The following SLCO3A1 variants were observed in gnomAD, a reference collection of about 807,000 sequenced individuals.
The protein encoded by SLCO3A1 is solute carrier organic anion transporter family member 3A1.
Under a neutral mutation model 63.1 loss-of-function variants are expected in SLCO3A1, and 27 were observed. The observed-to-expected ratio is 0.43, with a 90% confidence interval of 0.32 to 0.59. SLCO3A1 has a LOEUF of 0.59. SLCO3A1 is among the 20% of genes least tolerant of loss of function. SLCO3A1 has a pLI of 0.09. For synonymous variants in SLCO3A1, 473 were observed against 409.9 expected, an observed-to-expected ratio of 1.15 and a Z score of -1.86; for missense variants, 773 against 945.8, an observed-to-expected ratio of 0.82 and a Z score of 2.40.
At chr15:91,987,036 ATCTTTGGGGCTTCACAGCCCCAAAGAT>A (rs936951832) in intron 2 of SLCO3A1, among the ~76,000 whole-genome samples, 1 of 152,146 alleles carries the variant, frequency 6.6e-6, no homozygotes, top group African/African-American at 2.4e-5. Context: ...TTTCTTACTC[ATCTTTGGGGCTTCACAGCCCCAAAGAT>A]TCTTTGCAAC....
In SLCO3A1 at chr15:91,869,643, G is replaced by A. The variant is rs535728032; in HGVS notation, c.180+15555G>A. Among the ~76,000 whole-genome samples, 180 of 152,174 alleles carry A rather than the reference G, an allele frequency of 1.2e-3. 1 individual carries two copies. Among genetic ancestry groups the A allele is most frequent in the Non-Finnish European group, 2.1e-3 (140 of 67,998 alleles). On this transcript the variant is annotated intron_variant, in intron 1 of 9. Transcript: ENST00000318445. ...GAGACCAGGAGATTGAGGCTGCAGTGAGCCGTAATAGTGCCACTGCACTCC... is the reference window on the plus strand; with the variant it reads ...GAGACCAGGAGATTGAGGCTGCAGTAAGCCGTAATAGTGCCACTGCACTCC...
In SLCO3A1 at chr15:91,854,043, C is replaced by T. The variant is rs766861339; in HGVS notation, c.135C>T (p.Ser45=). 3.2e-6 allele frequency: 5 copies of T among 1,542,786 alleles called. No individual in the cohort carries two copies. The highest frequency in any genetic ancestry group is 3.4e-4 in the Middle Eastern group (2 of 5,824). The change falls in exon 1 of 10, where the codon TCC becomes TCT. Residue 45 remains serine (S), a synonymous_variant. Coordinates refer to ENST00000318445, the MANE Select transcript of SLCO3A1 (RefSeq NM_013272.4). The surrounding 1 kb of genome is among the most constrained non-coding windows in gnomAD (Gnocchi z 6.4). ...CCAACATCAAGATCTTCCTGGTGTCCGAGTGCGCCCTGATGCTGGCGCAGG... is the reference window on the plus strand; with the variant it reads ...CCAACATCAAGATCTTCCTGGTGTCTGAGTGCGCCCTGATGCTGGCGCAGG... ...CFSNIKIFLV[S]ECALMLAQGT...
At chr15:91,966,356 G>A (rs762003308) in intron 2 of SLCO3A1, among the ~76,000 whole-genome samples, 2 of 152,216 alleles carry the variant, frequency 1.3e-5, no homozygotes, top group Non-Finnish European at 2.9e-5. Flanking sequence ...GTGGAGGGAC[G>A]GACAGCTCAG....
chr15:91,908,770 A>C (rs1898390189), intron 1 of SLCO3A1: 1 of 145,152 alleles, frequency 6.9e-6, no homozygotes, highest in Non-Finnish European at 1.5e-5. Flanking sequence ...AAAAAAAAAA[A>C]AAAAACTTGG....
intron 2 of SLCO3A1, among the ~76,000 whole-genome samples, chr15:92,060,702 G>A (rs982334388): frequency 3.3e-5 from 5 of 152,076 alleles, no homozygotes; most frequent in Non-Finnish European, 7.4e-5. Flanking sequence ...GTTTCACCAT[G>A]TTGTCCGGGC....
chr15:92,154,960 G>C (rs891372096), intron 9 of SLCO3A1, among the ~76,000 whole-genome samples: 7 of 152,210 alleles, frequency 4.6e-5, no homozygotes, highest in African/African-American at 1.7e-4. Context: ...AAGTGGAGCA[G>C]TTCTGACCAA....
Position 92,033,363 on chromosome 15 carries a change from G to A in SLCO3A1, c.647-61518G>A, listed in dbSNP as rs1373025097. ...CAACCCTCCTCTCCTCCAAGAGCAG[G>A]GTAACTTCCTCCTCTTGCATTCTCC... On this transcript the variant is annotated intron_variant, in intron 2 of 9. Coordinates refer to ENST00000318445, the MANE Select transcript of SLCO3A1 (RefSeq NM_013272.4). This position sits in a 1 kb window ranked among gnomAD's most constrained non-coding sequence, Gnocchi z 4.5. Among the ~76,000 whole-genome samples, 1 of 152,140 alleles carries A rather than the reference G, an allele frequency of 6.6e-6. No homozygotes were observed. The highest frequency in any genetic ancestry group is 6.5e-5 in the Admixed American group (1 of 15,270).
chr15:91,870,798 G>T (rs563839449), intron 1 of SLCO3A1, among the ~76,000 whole-genome samples: 1 of 151,934 alleles, frequency 6.6e-6, no homozygotes, highest in Non-Finnish European at 1.5e-5. Context: ...CTTTAGTCCT[G>T]TGTAGATTCT....
intron 2 of SLCO3A1, among the ~76,000 whole-genome samples, chr15:91,983,351 G>A (rs1048978739): frequency 5.3e-5 from 8 of 152,220 alleles, no homozygotes; most frequent in African/African-American, 1.7e-4. Flanking sequence ...CCGAGTGGGA[G>A]GCTATTTATT....
At chr15:91,909,685 TC>T (rs1462214925) in intron 1 of SLCO3A1, among the ~76,000 whole-genome samples, 5 of 152,194 alleles carry the variant, frequency 3.3e-5, no homozygotes, top group Non-Finnish European at 7.4e-5. Flanking sequence ...CACACTGCAC[TC>T]CCGGGCTCCT....
intron 7 of SLCO3A1, among the ~76,000 whole-genome samples, chr15:92,129,635 G>A (rs1051271677): frequency 2.6e-5 from 4 of 152,190 alleles, no homozygotes; most frequent in African/African-American, 9.7e-5. Flanking sequence ...GAATGTCTGT[G>A]CAAGGCATAG....
At chr15:92,101,054 C>A (rs1477511630) in intron 3 of SLCO3A1, among the ~76,000 whole-genome samples, 1 of 152,158 alleles carries the variant, frequency 6.6e-6, no homozygotes, top group Non-Finnish European at 1.5e-5. Context: ...GGATCCAATG[C>A]AGACACTGAT....
intron 2 of SLCO3A1, among the ~76,000 whole-genome samples, chr15:92,053,446 A>T (rs1175074286): frequency 6.6e-6 from 1 of 152,170 alleles, no homozygotes; most frequent in Non-Finnish European, 1.5e-5. Flanking sequence ...CATTGCGATC[A>T]TCTGAGGTCC....
intron 2 of SLCO3A1, among the ~76,000 whole-genome samples, chr15:91,969,572 G>T (rs569012059): frequency 6.6e-6 from 1 of 152,284 alleles, no homozygotes; most frequent in East Asian, 1.9e-4. Context: ...CTCCCAAAGT[G>T]CTGGGATTAC....
At chr15:92,098,200 G>T (rs207968) in intron 3 of SLCO3A1, 41,141 of 152,402 alleles carry the variant, frequency 0.27, 6,006 homozygotes, top group South Asian at 0.34. Context: ...GGAGAATCCA[G>T]TGAGGAAGCC....
chr15:91,915,653 G>A (rs1454501760), intron 1 of SLCO3A1, among the ~76,000 whole-genome samples: 2 of 152,060 alleles, frequency 1.3e-5, no homozygotes, highest in Non-Finnish European at 2.9e-5. Context: ...ACTTTTATAG[G>A]TTTTCATGGG....
chr15:92,066,964 G>A (rs1047280942), intron 2 of SLCO3A1, among the ~76,000 whole-genome samples: 5 of 152,224 alleles, frequency 3.3e-5, no homozygotes, highest in African/African-American at 4.8e-5. Flanking sequence ...AGCGTAATGA[G>A]AACTCATATG....
intron 1 of SLCO3A1, among the ~76,000 whole-genome samples, chr15:91,904,625 G>A (rs1465339537): frequency 6.6e-6 from 1 of 152,190 alleles, no homozygotes; most frequent in African/African-American, 2.4e-5. Context: ...AGGTCAATCA[G>A]AGCAGCAAGC....
At chr15:91,893,955 T>A (rs1384994441) in intron 1 of SLCO3A1, among the ~76,000 whole-genome samples, 1 of 152,176 alleles carries the variant, frequency 6.6e-6, no homozygotes, top group Non-Finnish European at 1.5e-5. Flanking sequence ...GGTACTTGAA[T>A]GCCAGGAGGA....
Sources: allele counts gnomAD v4.1 joint callset (sites outside exome capture counted in the v4.1 genomes callset), GRCh38; gene constraint gnomAD v4.1.1; non-coding constraint Gnocchi (gnomAD v3.1); transcripts MANE v1.5; gene names NCBI Gene and HGNC (gene_info 2026-07-23, HGNC 2026-07-21).